The following SPMIP6 variants were observed in gnomAD, a reference collection of about 807,000 sequenced individuals.
SPMIP6 encodes ciliated bronchial epithelial protein 1.
chr9:34,389,942 T>C, the SPMIP6 span: 2 of 150,790 alleles, frequency 1.3e-5, no homozygotes, highest in Admixed American at 1.3e-4. Flanking sequence ...TTTTTTTTTT[T>C]TTAAGACTAG....
chr9:34,385,595 GT>G, the SPMIP6 span: 3 of 1,560,826 alleles, frequency 1.9e-6, no homozygotes, highest in East Asian at 6.8e-5. Context: ...TTGGGTTCAG[GT>G]TGGGGGTCAT....
chr9:34,380,802 C>G, the SPMIP6 span: 1 of 1,531,204 alleles, frequency 6.5e-7, no homozygotes, highest in African/African-American at 1.4e-5. Flanking sequence ...GGCTGGGGGC[C>G]TGCACGGAAG....
the SPMIP6 span, chr9:34,379,542 A>G: frequency 9.8e-7 from 1 of 1,024,282 alleles, no homozygotes; most frequent in Non-Finnish European, 1.5e-6. This position sits in a 1 kb window ranked among gnomAD's most constrained non-coding sequence, Gnocchi z 4.2. Context: ...CTGTCAGTGC[A>G]CCGCGGAGCG....
At chr9:34,382,240 A>G in the SPMIP6 span, among the ~76,000 whole-genome samples, 1 of 152,158 alleles carries the variant, frequency 6.6e-6, no homozygotes, top group African/African-American at 2.4e-5. Context: ...AGAGATTGAG[A>G]GCCAGGGGCC....
the SPMIP6 span, chr9:34,385,637 C>T: frequency 1.9e-6 from 3 of 1,611,580 alleles, no homozygotes; most frequent in Non-Finnish European, 2.5e-6. Context: ...GAGGCCTTAC[C>T]TTCCTCTTGA....
chr9:34,381,421 A>C, the SPMIP6 span: 1 of 1,614,006 alleles, frequency 6.2e-7, no homozygotes, highest in Non-Finnish European at 8.5e-7. This position sits in a 1 kb window ranked among gnomAD's most constrained non-coding sequence, Gnocchi z 4.4. Context: ...GCATTCCTCG[A>C]ACTGCTGTCT....
the SPMIP6 span, chr9:34,382,741 G>T: frequency 6.3e-7 from 1 of 1,582,728 alleles, no homozygotes; most frequent in South Asian, 1.1e-5. Context: ...TCTGTGCTGG[G>T]TGCAACAGAT....
the SPMIP6 span, chr9:34,379,592 C>T: frequency 6.6e-7 from 1 of 1,513,112 alleles, no homozygotes; most frequent in Non-Finnish European, 9.2e-7. This position sits in a 1 kb window ranked among gnomAD's most constrained non-coding sequence, Gnocchi z 4.2. Flanking sequence ...CCAGCCCCGC[C>T]TCACCAAGCC....
At chr9:34,390,766 T>C in the SPMIP6 span, among the ~76,000 whole-genome samples, 106,307 of 151,908 alleles carry the variant, frequency 0.7, 37,390 homozygotes, top group East Asian at 0.93. Flanking sequence ...ACCATAGGTG[T>C]GTGCCACCAC....
the SPMIP6 span, among the ~76,000 whole-genome samples, chr9:34,388,594 T>C: frequency 2.0e-5 from 3 of 152,202 alleles, no homozygotes; most frequent in Non-Finnish European, 4.4e-5. Context: ...GCTTGGCTTT[T>C]CCATTGCTTG....
chr9:34,382,717 C>T, the SPMIP6 span: 1 of 1,404,140 alleles, frequency 7.1e-7, no homozygotes, highest in Non-Finnish European at 1.0e-6. Flanking sequence ...TATGCGTGTC[C>T]CAGTCCCCAG....
At chr9:34,386,719 C>T in the SPMIP6 span, among the ~76,000 whole-genome samples, 2 of 152,210 alleles carry the variant, frequency 1.3e-5, no homozygotes, top group Non-Finnish European at 2.9e-5. Context: ...TACCTTGACA[C>T]TTTTCCTGTT....
the SPMIP6 span, among the ~76,000 whole-genome samples, chr9:34,384,418 A>G: frequency 1.1e-4 from 17 of 152,346 alleles, no homozygotes; most frequent in East Asian, 2.9e-3. Flanking sequence ...AGTTGTTTCA[A>G]GAAGTAGAGT....
the SPMIP6 span, chr9:34,381,552 C>A: frequency 6.5e-7 from 1 of 1,546,268 alleles, no homozygotes; most frequent in Non-Finnish European, 8.7e-7. This position sits in a 1 kb window ranked among gnomAD's most constrained non-coding sequence, Gnocchi z 4.4. Flanking sequence ...ACTTCTCCCG[C>A]CCTTCAGCAG....
chr9:34,388,929 TTTC>T, the SPMIP6 span, among the ~76,000 whole-genome samples: 1 of 98,110 alleles, frequency 1.0e-5, no homozygotes, highest in African/African-American at 4.0e-5. Flanking sequence ...TTCCTCTCTC[TTTC>T]TTTTTTTTTT....
the SPMIP6 span, among the ~76,000 whole-genome samples, chr9:34,392,910 G>A: frequency 0.74 from 112,257 of 152,076 alleles, 42,388 homozygotes; most frequent in Non-Finnish European, 0.84. This position sits in a 1 kb window ranked among gnomAD's most constrained non-coding sequence, Gnocchi z 4.6. Flanking sequence ...GAGCTAGAGG[G>A]GTTGTAGCCA....
chr9:34,391,664 A>G, the SPMIP6 span, among the ~76,000 whole-genome samples: 1 of 152,194 alleles, frequency 6.6e-6, no homozygotes, highest in African/African-American at 2.4e-5. Context: ...AAACTCACAA[A>G]GGATTTTGGT....
the SPMIP6 span, chr9:34,381,591 G>A: frequency 1.4e-6 from 2 of 1,459,544 alleles, no homozygotes; most frequent in Non-Finnish European, 1.8e-6. The surrounding 1 kb of genome is among the most constrained non-coding windows in gnomAD (Gnocchi z 4.4). Flanking sequence ...CTCTGTGTTG[G>A]CGGCTGTCAC....
At chr9:34,393,597 T>C in the SPMIP6 span, among the ~76,000 whole-genome samples, 1 of 152,170 alleles carries the variant, frequency 6.6e-6, no homozygotes, top group East Asian at 1.9e-4. Flanking sequence ...CTATTTTTTT[T>C]CTCTATTTGT....
Sources: allele counts gnomAD v4.1 joint callset (sites outside exome capture counted in the v4.1 genomes callset), GRCh38; gene constraint gnomAD v4.1.1; non-coding constraint Gnocchi (gnomAD v3.1); transcripts MANE v1.5; gene names NCBI Gene and HGNC (gene_info 2026-07-23, HGNC 2026-07-21).